EYS: variants seen among roughly 807,000 people sequenced by gnomAD.
EYS encodes EGF-like photoreceptor maintenance factor.
A neutral mutation model predicts 282.1 loss-of-function variants in EYS; 250 were observed. That is an observed-to-expected ratio of 0.89 (90% CI 0.80 to 0.98). The LOEUF (loss-of-function observed/expected upper bound fraction) is 0.98. Ranked by LOEUF, EYS falls within the 50% of genes least tolerant of loss-of-function variation. The pLI, the probability that EYS is intolerant of heterozygous loss-of-function variation, is 0.00. For missense variants in EYS, 4,016 were observed against 3,709.0 expected, an observed-to-expected ratio of 1.08 and a Z score of -2.15; for synonymous variants, 1,355 against 1,282.9, an observed-to-expected ratio of 1.06 and a Z score of -1.20.
At chr6:64,599,211 C>T (rs1022877364) in intron 24 of EYS, among the ~76,000 whole-genome samples, 6 of 152,056 alleles carry the variant, frequency 3.9e-5, no homozygotes, top group African/African-American at 1.4e-4. Flanking sequence ...AAAAAGCTTA[C>T]TGTAGATAAT....
intron 13 of EYS, among the ~76,000 whole-genome samples, chr6:65,005,838 C>A (rs139799433): frequency 6.6e-6 from 1 of 152,350 alleles, no homozygotes; most frequent in East Asian, 1.9e-4. Context: ...AGTCTCTACC[C>A]AGCAGTCGCC....
At chr6:64,704,484 A>T in intron 22 of EYS, among the ~76,000 whole-genome samples, 1 of 10,786 alleles carries the variant, frequency 9.3e-5, no homozygotes, top group East Asian at 9.5e-4. Context: ...TAATTATATT[A>T]TAATTATAAT....
chr6:65,335,046 G>A lies in EYS; in HGVS notation c.1700C>T (p.Thr567Ile), dbSNP rs755903446. The change falls in exon 11 of 43, where the codon ACA becomes ATA. Residue 567 changes from threonine to isoleucine, a missense_variant. Thr to Ile is a moderately conservative substitution (Grantham distance 89, BLOSUM62 -1). Transcript: ENST00000503581. ...ACACTCATTTTCTTGATCATCAGTT[G>A]TATTTTCCAGATACATGTTGCCAGC... ...RWAGNMYLEN[T>I]TDDQENECQH... The A allele has an allele frequency of 4.3e-6, 7 of 1,611,458 alleles. No individual in the cohort carries two copies. Among genetic ancestry groups the A allele is most frequent in the Non-Finnish European group, 5.1e-6 (6 of 1,178,490 alleles).
chr6:64,477,582 C>T (rs1337295962), intron 26 of EYS, among the ~76,000 whole-genome samples: 1 of 152,038 alleles, frequency 6.6e-6, no homozygotes, highest in Admixed American at 6.6e-5. Flanking sequence ...CCACGGCCAC[C>T]CTTTTATTCA....
Position 64,736,745 on chromosome 6 carries a change from C to T in EYS, c.3443+76633G>A, listed in dbSNP as rs116327933. On this transcript the variant is annotated intron_variant, in intron 22 of 42. Coordinates refer to ENST00000503581, the MANE Select transcript of EYS (RefSeq NM_001142800.2). Reference sequence around the variant, plus strand: ...TTTATTAAGTGCATATGCCAGTTCTCACCACTGTGTCAGACACTGAGTCAA... The same window carrying T: ...TTTATTAAGTGCATATGCCAGTTCTTACCACTGTGTCAGACACTGAGTCAA... 5.8e-3 allele frequency among the ~76,000 whole-genome samples: 883 copies of T among 152,202 alleles called. 10 individuals are homozygous for T. The highest frequency in any genetic ancestry group is 0.02 in the African/African-American group (828 of 41,516).
chr6:64,792,689 C>A (rs1774227300), intron 22 of EYS, among the ~76,000 whole-genome samples: 2 of 152,024 alleles, frequency 1.3e-5, no homozygotes, highest in Non-Finnish European at 2.9e-5. Flanking sequence ...GCAAAAGCAG[C>A]ATGTACCCGT....
At chr6:65,516,754 A>C (rs1767151768) in intron 2 of EYS, among the ~76,000 whole-genome samples, 1 of 151,874 alleles carries the variant, frequency 6.6e-6, no homozygotes. Context: ...GGTATTACTA[A>C]CTCTTCTTTT....
intron 22 of EYS, among the ~76,000 whole-genome samples, chr6:64,685,728 C>T (rs1326439900): frequency 1.3e-5 from 2 of 152,102 alleles, no homozygotes; most frequent in Non-Finnish European, 2.9e-5. Context: ...TCAGGTATGC[C>T]TTTATAGCAA....
chr6:65,197,875 C>T (rs560122938), intron 12 of EYS, among the ~76,000 whole-genome samples: 11 of 151,878 alleles, frequency 7.2e-5, no homozygotes, highest in Admixed American at 5.9e-4. Context: ...ATGTGAAGGC[C>T]CAGGACATTA....
At chr6:64,652,182 T>C (rs1238072268) in intron 22 of EYS, among the ~76,000 whole-genome samples, 2 of 152,224 alleles carry the variant, frequency 1.3e-5, no homozygotes, top group Non-Finnish European at 2.9e-5. Context: ...ATGTATATAA[T>C]CTTCTCTTAA....
rs115274746 is a variant in EYS, at chr6:65,087,291, C to T, written c.2024-29564G>A. 7.4e-3 allele frequency among the ~76,000 whole-genome samples: 1,127 copies of T among 152,048 alleles called. 22 individuals are homozygous for T. Among genetic ancestry groups the T allele is most frequent in the African/African-American group, 0.024 (1,009 of 41,486 alleles). On this transcript the variant is annotated intron_variant, in intron 12 of 42. Coordinates refer to ENST00000503581, the MANE Select transcript of EYS (RefSeq NM_001142800.2). ...CAGATCATCCTGAAAGCTTCATCAC[C>T]TTTGGTTTGGTTTATTTTCCATTAT...
At chr6:65,257,791 T>C (rs1767509427) in intron 12 of EYS, among the ~76,000 whole-genome samples, 1 of 151,928 alleles carries the variant, frequency 6.6e-6, no homozygotes, top group African/African-American at 2.4e-5. Context: ...GAGGTAAAAA[T>C]GAAAACAATT....
chr6:65,205,418 T>A (rs891023056), intron 12 of EYS, among the ~76,000 whole-genome samples: 2 of 151,778 alleles, frequency 1.3e-5, no homozygotes, highest in African/African-American at 4.8e-5. Context: ...CAATTTCTAC[T>A]TAACCTAAGA....
intron 2 of EYS, among the ~76,000 whole-genome samples, chr6:65,556,533 G>C (rs1160884653): frequency 1.3e-5 from 2 of 152,062 alleles, no homozygotes; most frequent in Non-Finnish European, 2.9e-5. Context: ...CTATTTTACA[G>C]ACAGAGAAAG....
At chr6:64,742,223 C>A (rs1305097292) in intron 22 of EYS, among the ~76,000 whole-genome samples, 3 of 152,020 alleles carry the variant, frequency 2.0e-5, no homozygotes, top group African/African-American at 7.2e-5. Context: ...GAGGAGAGAG[C>A]TAAAGAAGAG....
chr6:65,264,869 A>G (rs1767709812), intron 12 of EYS, among the ~76,000 whole-genome samples: 1 of 151,756 alleles, frequency 6.6e-6, no homozygotes, highest in African/African-American at 2.4e-5. Flanking sequence ...ACATTATCAT[A>G]GATATATCTG....
intron 22 of EYS, among the ~76,000 whole-genome samples, chr6:64,791,553 G>A (rs1774191731): frequency 6.6e-6 from 1 of 151,842 alleles, no homozygotes; most frequent in Non-Finnish European, 1.5e-5. Flanking sequence ...CATTTTAATA[G>A]CTATTTGGAC....
At position 64,591,439 on chromosome 6, in the gene EYS, A is replaced by G. The variant is rs1310127497; in HGVS notation, c.4428T>C (p.Ser1476=). The change falls in exon 26 of 43, where the codon TCT becomes TCC. Residue 1476 remains serine, a synonymous_variant. Coordinates refer to ENST00000503581, the MANE Select transcript of EYS (RefSeq NM_001142800.2). ...QEDIEEYSAD[S]LISRREHWRL... ...TCCAGTGCTCTCTTCTTGAAATTAA[A>G]GAATCAGCTGAATATTCTTCAATAT... 6.4e-7 allele frequency: 1 copy of G among 1,551,302 alleles called. No individual in the cohort carries two copies. The highest frequency in any genetic ancestry group is 2.4e-5 in the East Asian group (1 of 40,916).
intron 2 of EYS, among the ~76,000 whole-genome samples, chr6:65,578,822 T>C (rs915962919): frequency 1.3e-5 from 2 of 152,082 alleles, no homozygotes; most frequent in Non-Finnish European, 2.9e-5. Context: ...CATAAAAAAT[T>C]GAGGACTATA....
Sources: gnomAD v4.1 joint callset for allele counts (sites outside exome capture counted in the v4.1 genomes callset) on GRCh38, gnomAD v4.1.1 for gene constraint, MANE v1.5 for transcripts, NCBI Gene and HGNC (gene_info 2026-07-23, HGNC 2026-07-21) for gene names.